Variants in SYT16 observed in about 807,000 individuals in gnomAD.
The protein encoded by SYT16 is synaptotagmin-16.
A neutral mutation model predicts 61.4 loss-of-function variants in SYT16; 42 were observed. That is an observed-to-expected ratio of 0.68 (90% CI 0.53 to 0.89). The LOEUF (loss-of-function observed/expected upper bound fraction) is 0.89. Ranked by LOEUF, SYT16 falls within the 40% of genes least tolerant of loss-of-function variation. The pLI is 0.00. For synonymous variants in SYT16, 314 were observed against 302.3 expected, an observed-to-expected ratio of 1.04 and a Z score of -0.40; for missense variants, 804 against 807.3, an observed-to-expected ratio of 1.00 and a Z score of 0.05.
At chr14:62,065,090 G>T (rs1050549029) in intron 3 of SYT16, among the ~76,000 whole-genome samples, 10 of 152,152 alleles carry the variant, frequency 6.6e-5, no homozygotes, top group African/African-American at 2.4e-4. Context: ...CCTTTTCACT[G>T]CTCTGCTCTA....
intron 1 of SYT16, among the ~76,000 whole-genome samples, chr14:61,951,968 T>G (rs2050689727): frequency 6.6e-6 from 1 of 151,982 alleles, no homozygotes; most frequent in African/African-American, 2.4e-5. Context: ...TTTTGTATTT[T>G]CAGTAGAGAC....
chr14:62,043,056 C>CT (rs141044180), intron 3 of SYT16, among the ~76,000 whole-genome samples: 10,502 of 149,266 alleles, frequency 0.07, 498 homozygotes, highest in Middle Eastern at 0.12. Flanking sequence ...CAGAAGTGTC[C>CT]TTGATAAATT....
intron 3 of SYT16, among the ~76,000 whole-genome samples, chr14:62,049,635 T>C (rs903342850): frequency 2.6e-5 from 4 of 152,234 alleles, no homozygotes; most frequent in African/African-American, 9.6e-5. Context: ...TTTCCATGTT[T>C]AGTGCTTCCT....
At chr14:62,040,684 C>T (rs892795719) in intron 3 of SYT16, among the ~76,000 whole-genome samples, 2 of 152,224 alleles carry the variant, frequency 1.3e-5, no homozygotes, top group East Asian at 3.9e-4. Flanking sequence ...CATCCTTATC[C>T]ATGTTCCTCT....
At chr14:61,900,366 C>T (rs1359855442) in intron 1 of SYT16, among the ~76,000 whole-genome samples, 1 of 152,292 alleles carries the variant, frequency 6.6e-6, no homozygotes, top group African/African-American at 2.4e-5. Context: ...CCATGTTGGC[C>T]AGGCTGGTCT....
chr14:61,930,806 A>T (rs996896823), intron 1 of SYT16, among the ~76,000 whole-genome samples: 2 of 152,090 alleles, frequency 1.3e-5, no homozygotes, highest in Admixed American at 1.3e-4. Flanking sequence ...GAACTCCACT[A>T]GCTGTTGCTG....
chr14:61,815,268 CAG>C (rs1164449025), intron 1 of SYT16, among the ~76,000 whole-genome samples: 1 of 152,192 alleles, frequency 6.6e-6, no homozygotes, highest in Non-Finnish European at 1.5e-5. Context: ...GAGGTAGGAA[CAG>C]AGTGATGATC....
At chr14:61,981,455 G>C (rs1025450746) in intron 2 of SYT16, among the ~76,000 whole-genome samples, 1 of 152,058 alleles carries the variant, frequency 6.6e-6, no homozygotes, top group African/African-American at 2.4e-5. Context: ...TTATGGAAAC[G>C]TTCAAACATA....
intron 4 of SYT16, among the ~76,000 whole-genome samples, chr14:62,073,782 A>G (rs542485945): frequency 1.3e-5 from 2 of 152,262 alleles, no homozygotes; most frequent in African/African-American, 2.4e-5. Flanking sequence ...CACCACTCAT[A>G]TTGCTGCATA....
At chr14:62,062,444 G>T (rs973557967) in intron 3 of SYT16, among the ~76,000 whole-genome samples, 1 of 152,182 alleles carries the variant, frequency 6.6e-6, no homozygotes, top group Non-Finnish European at 1.5e-5. Flanking sequence ...AAAGGGTGCA[G>T]AGCCCAGCCT....
intron 1 of SYT16, among the ~76,000 whole-genome samples, chr14:61,850,645 T>G (rs549364295): frequency 6.6e-6 from 1 of 152,358 alleles, no homozygotes; most frequent in Admixed American, 6.5e-5. Flanking sequence ...TCTTTTATGT[T>G]TATCCCTTCA....
chr14:61,993,704 AG>A (rs2052650402), intron 2 of SYT16, among the ~76,000 whole-genome samples: 1 of 152,150 alleles, frequency 6.6e-6, no homozygotes, highest in South Asian at 2.1e-4. Flanking sequence ...AAATGGCAAA[AG>A]GATCTTTACT....
At chr14:62,006,110 A>G (rs1209511151) in intron 3 of SYT16, among the ~76,000 whole-genome samples, 2 of 152,128 alleles carry the variant, frequency 1.3e-5, no homozygotes, top group Admixed American at 1.3e-4. Context: ...AAATATTTAA[A>G]TACCCTGAGG....
intron 1 of SYT16, among the ~76,000 whole-genome samples, chr14:61,913,763 C>T (rs1277662084): frequency 1.4e-5 from 2 of 144,764 alleles, no homozygotes; most frequent in African/African-American, 5.1e-5. Flanking sequence ...CAGGGACGAA[C>T]TTGCATATGA....
chr14:62,055,281 G>C (rs1439296650), intron 3 of SYT16, among the ~76,000 whole-genome samples: 1 of 152,190 alleles, frequency 6.6e-6, no homozygotes, highest in Admixed American at 6.5e-5. Context: ...CTTATAGGAG[G>C]CATACAAATG....
intron 7 of SYT16, among the ~76,000 whole-genome samples, chr14:62,095,160 G>A (rs904897511): frequency 6.6e-6 from 1 of 151,990 alleles, no homozygotes; most frequent in Non-Finnish European, 1.5e-5. Flanking sequence ...AAAGAAACTT[G>A]CTCAACTTGA....
chr14:61,893,161 G>A (rs981036654), intron 1 of SYT16, among the ~76,000 whole-genome samples: 2 of 152,182 alleles, frequency 1.3e-5, no homozygotes, highest in Admixed American at 1.3e-4. Context: ...GGGAAACTTC[G>A]TGTTCTTATG....
chr14:62,042,159 A>C (rs1221483013), intron 3 of SYT16, among the ~76,000 whole-genome samples: 2 of 151,774 alleles, frequency 1.3e-5, no homozygotes, highest in Admixed American at 6.6e-5. Flanking sequence ...GCATCCCTAA[A>C]ATTTTTTTTC....
At chr14:61,839,721 A>G (rs2046244496) in intron 1 of SYT16, among the ~76,000 whole-genome samples, 1 of 152,206 alleles carries the variant, frequency 6.6e-6, no homozygotes, top group Admixed American at 6.5e-5. Flanking sequence ...AAAAGCCAAC[A>G]AAATCGTAAT....
Sources: gnomAD v4.1 joint callset for allele counts (sites outside exome capture counted in the v4.1 genomes callset) on GRCh38, gnomAD v4.1.1 for gene constraint, MANE v1.5 for transcripts, NCBI Gene and HGNC (gene_info 2026-07-23, HGNC 2026-07-21) for gene names.